ANO4: variants seen among roughly 807,000 people sequenced by gnomAD.
ANO4 encodes anoctamin 4.
A neutral mutation model predicts 141.9 loss-of-function variants in ANO4; 69 were observed. That is an observed-to-expected ratio of 0.49 (90% CI 0.40 to 0.59). ANO4 has a LOEUF of 0.59. Among genes scored for constraint, ANO4 ranks in the 20% least tolerant of loss-of-function variants. The probability of loss-of-function intolerance (pLI) is 0.00; values close to 1 mark genes in which losing one functional copy is unlikely to be tolerated. For synonymous variants in ANO4, 350 were observed against 394.3 expected, an observed-to-expected ratio of 0.89 and a Z score of 1.33; for missense variants, 894 against 1,162.2, an observed-to-expected ratio of 0.77 and a Z score of 3.36.
intron 8 of ANO4, among the ~76,000 whole-genome samples, chr12:100,989,466 T>C (rs2044936837): frequency 6.6e-6 from 1 of 152,184 alleles, no homozygotes; most frequent in Non-Finnish European, 1.5e-5. Flanking sequence ...CTGTTTATGA[T>C]AGAGTTCCTA....
At chr12:100,864,817 C>T (rs1393619326) in intron 1 of ANO4, among the ~76,000 whole-genome samples, 1 of 152,164 alleles carries the variant, frequency 6.6e-6, no homozygotes, top group Non-Finnish European at 1.5e-5. Context: ...AGGTATTTCT[C>T]CTAATGCTAT....
chr12:100,948,430 G>C (rs2136196861), intron 5 of ANO4, among the ~76,000 whole-genome samples: 1 of 152,140 alleles, frequency 6.6e-6, no homozygotes, highest in East Asian at 1.9e-4. Flanking sequence ...AAATGATGAA[G>C]ATTAAGTGGA....
intron 1 of ANO4, among the ~76,000 whole-genome samples, chr12:100,806,343 T>C (rs1236892362): frequency 6.6e-6 from 1 of 152,040 alleles, no homozygotes; most frequent in Non-Finnish European, 1.5e-5. Flanking sequence ...AGCAAGCATT[T>C]TGATCTTTGC....
At chr12:100,970,438 G>A (rs942819999) in intron 5 of ANO4, among the ~76,000 whole-genome samples, 2 of 151,906 alleles carry the variant, frequency 1.3e-5, no homozygotes, top group Non-Finnish European at 2.9e-5. Flanking sequence ...CCAGCTCAGG[G>A]CCTTTGCACC....
intron 8 of ANO4, among the ~76,000 whole-genome samples, chr12:100,991,082 G>C (rs1194762219): frequency 6.6e-6 from 1 of 152,192 alleles, no homozygotes; most frequent in East Asian, 1.9e-4. Flanking sequence ...CAAGAGAATA[G>C]AGGCAATTTT....
chr12:100,898,501 A>G (rs2040445245), intron 1 of ANO4, among the ~76,000 whole-genome samples: 1 of 152,184 alleles, frequency 6.6e-6, no homozygotes, highest in Non-Finnish European at 1.5e-5. Context: ...CCAAATTTCC[A>G]TGTAACATAC....
In ANO4 at chr12:100,780,229, C is replaced by T. The variant is rs2033671757; in HGVS notation, c.358+40124C>T. 2.6e-5 allele frequency among the ~76,000 whole-genome samples: 4 copies of T among 152,180 alleles called. No homozygotes were observed. In the South Asian group the frequency reaches 8.3e-4, roughly 32 times the overall value. On this transcript the variant is annotated intron_variant, in intron 3 of 29. Transcript: ENST00000644049. Reference sequence around the variant, plus strand: ...ATGAGGTCTCACTAATGCAGGAAAACCCCCAAATTGAGGCTTAGCTCAGGA... The same window carrying T: ...ATGAGGTCTCACTAATGCAGGAAAATCCCCAAATTGAGGCTTAGCTCAGGA...
At chr12:101,017,495 T>C (rs1232593107) in intron 8 of ANO4, among the ~76,000 whole-genome samples, 2 of 152,126 alleles carry the variant, frequency 1.3e-5, no homozygotes, top group Non-Finnish European at 2.9e-5. Flanking sequence ...GGGGAAGATA[T>C]GGCCTGAGCT....
At chr12:100,957,521 A>G (rs983409002) in intron 5 of ANO4, among the ~76,000 whole-genome samples, 1 of 152,234 alleles carries the variant, frequency 6.6e-6, no homozygotes, top group African/African-American at 2.4e-5. Context: ...AAATTGTCCA[A>G]AAATGTCATT....
At chr12:100,989,082 C>T (rs2044915824) in intron 8 of ANO4, among the ~76,000 whole-genome samples, 1 of 152,010 alleles carries the variant, frequency 6.6e-6, no homozygotes, top group South Asian at 2.1e-4. Flanking sequence ...CAGTCTAATG[C>T]AGGGGAAGCA....
chr12:100,871,062 T>G (rs1411833578), intron 1 of ANO4, among the ~76,000 whole-genome samples: 1 of 152,206 alleles, frequency 6.6e-6, no homozygotes, highest in Admixed American at 6.5e-5. Flanking sequence ...TATTAATTGT[T>G]CCTTGGAAAT....
chr12:100,937,811 G>A (rs898779579), intron 3 of ANO4, among the ~76,000 whole-genome samples: 4 of 152,008 alleles, frequency 2.6e-5, no homozygotes, highest in South Asian at 2.1e-4. Context: ...TTCTTGGCTC[G>A]TGGCCGCATC....
intron 9 of ANO4, among the ~76,000 whole-genome samples, chr12:101,031,421 C>T (rs1037132010): frequency 6.6e-6 from 1 of 152,026 alleles, no homozygotes; most frequent in South Asian, 2.1e-4. Flanking sequence ...AACTAGGTGT[C>T]GATTGAACAT....
At chr12:101,025,558 G>A (rs999457330) in intron 9 of ANO4, among the ~76,000 whole-genome samples, 23 of 152,160 alleles carry the variant, frequency 1.5e-4, no homozygotes, top group Non-Finnish European at 7.3e-5. Flanking sequence ...ATACATGTCC[G>A]GAGAATACCC....
intron 14 of ANO4, among the ~76,000 whole-genome samples, chr12:101,078,351 G>A (rs2049108220): frequency 6.6e-6 from 1 of 152,128 alleles, no homozygotes; most frequent in South Asian, 2.1e-4. Context: ...GCATGTGTGT[G>A]TGTGTGTGTG....
chr12:100,904,274 C>T (rs139966277), intron 2 of ANO4, among the ~76,000 whole-genome samples: 19 of 152,078 alleles, frequency 1.2e-4, no homozygotes, highest in African/African-American at 4.1e-4. Flanking sequence ...GGGGAGTTTA[C>T]GTAGTAGCTG....
chr12:101,071,744 C>G (rs1452836747), intron 14 of ANO4, among the ~76,000 whole-genome samples: 1 of 152,020 alleles, frequency 6.6e-6, no homozygotes, highest in Non-Finnish European at 1.5e-5. Context: ...GGGATAGATA[C>G]TCGATTTTCC....
intron 13 of ANO4, 72 bp from the exon 14 acceptor site, chr12:101,048,269 G>C: frequency 6.6e-7 from 1 of 1,508,884 alleles, no homozygotes; most frequent in Non-Finnish European, 9.2e-7. Context: ...TATTTTTACA[G>C]AACTTGAAAA....
intron 1 of ANO4, among the ~76,000 whole-genome samples, chr12:100,872,892 G>C (rs1454548643): frequency 6.6e-6 from 1 of 152,212 alleles, no homozygotes; most frequent in Non-Finnish European, 1.5e-5. Context: ...CAGTGTTGGA[G>C]GAGGGGCCTA....
Sources: allele counts gnomAD v4.1 joint callset (sites outside exome capture counted in the v4.1 genomes callset), GRCh38; gene constraint gnomAD v4.1.1; transcripts MANE v1.5; gene names NCBI Gene and HGNC (gene_info 2026-07-23, HGNC 2026-07-21).